ENTHD1: variants seen among roughly 807,000 people sequenced by gnomAD.
ENTHD1 encodes the protein ENTH domain-containing protein 1.
ENTHD1 carries 23 observed loss-of-function variants against 39.1 expected under a neutral mutation model. The observed-to-expected ratio is 0.59, with a 90% CI of 0.42 to 0.83. The LOEUF (loss-of-function observed/expected upper bound fraction) is 0.83, where lower values mean the gene tolerates loss of function less well. ENTHD1 is among the 40% of genes least tolerant of loss of function. The pLI is 0.00. For missense variants in ENTHD1, 624 were observed against 705.4 expected, an observed-to-expected ratio of 0.88 and a Z score of 1.31; for synonymous variants, 230 against 258.2, an observed-to-expected ratio of 0.89 and a Z score of 1.05.
chr22:39,864,762 C>A (rs2066170807), intron 2 of ENTHD1, among the ~76,000 whole-genome samples: 1 of 152,040 alleles, frequency 6.6e-6, no homozygotes, highest in African/African-American at 2.4e-5. Context: ...CACGGTGGTG[C>A]ACACCTGTAA....
intron 6 of ENTHD1, among the ~76,000 whole-genome samples, chr22:39,745,695 T>C (rs1271775564): frequency 6.6e-6 from 1 of 152,168 alleles, no homozygotes; most frequent in Non-Finnish European, 1.5e-5. Flanking sequence ...GGTGGAAAGA[T>C]GGTAGTGGGC....
At chr22:39,812,479 A>G (rs370251917) in intron 5 of ENTHD1, among the ~76,000 whole-genome samples, 9 of 152,230 alleles carry the variant, frequency 5.9e-5, no homozygotes, top group African/African-American at 2.2e-4. Flanking sequence ...TTTCACTATA[A>G]ATGCTTGCTA....
At position 39,784,137 on chromosome 22, in the gene ENTHD1, G is replaced by GA. The variant is rs372382761; in HGVS notation, c.833-18529dup. On this transcript the variant is annotated intron_variant, in intron 5 of 6. Transcript: ENST00000325157. ...ACAGACACATGGCCAACAGGTATAT[G>GA]AAAAAAAATGCTCAACATCACTAAA... Among the ~76,000 whole-genome samples, 96 of 151,572 alleles carry GA rather than the reference G, an allele frequency of 6.3e-4. 1 individual carries two copies. In the South Asian group the frequency reaches 6.7e-3, roughly 11 times the overall value.
At chr22:39,821,162 C>T (rs761588854) in intron 4 of ENTHD1, 49 bp from the exon 5 acceptor site, 1 of 1,599,002 alleles carries the variant, frequency 6.3e-7, no homozygotes, top group Non-Finnish European at 8.5e-7. Context: ...AATTAATATC[C>T]CTGGATGGAC....
At chr22:39,748,525 A>T (rs1178886556) in intron 6 of ENTHD1, among the ~76,000 whole-genome samples, 1 of 151,048 alleles carries the variant, frequency 6.6e-6, no homozygotes, top group Admixed American at 6.6e-5. Context: ...GGTTCACACC[A>T]TTCTTCTGCC....
Position 39,783,808 on chromosome 22 carries a change from T to C in ENTHD1, c.833-18199A>G, listed in dbSNP as rs1029718264. 3.9e-5 allele frequency among the ~76,000 whole-genome samples: 6 copies of C among 152,122 alleles called. No individual in the cohort carries two copies. The East Asian group carries it at 5.8e-4, about 15-fold the overall frequency. ...CACTATGAAACTACTGAAGAAAACA[T>C]TGGGGAAACACTCTAGGACATGGGC... On this transcript the variant is annotated intron_variant, in intron 5 of 6. Coordinates refer to ENST00000325157, the MANE Select transcript of ENTHD1 (RefSeq NM_152512.4).
At chr22:39,832,502 A>T (rs1315645479) in intron 4 of ENTHD1, among the ~76,000 whole-genome samples, 5 of 152,202 alleles carry the variant, frequency 3.3e-5, no homozygotes, top group Non-Finnish European at 7.3e-5. Context: ...TTTAACGGAA[A>T]TTAAGCAGAA....
At chr22:39,775,761 G>A (rs1248192920) in intron 5 of ENTHD1, among the ~76,000 whole-genome samples, 2 of 152,182 alleles carry the variant, frequency 1.3e-5, no homozygotes, top group African/African-American at 4.8e-5. Flanking sequence ...TATCTGTGCT[G>A]CTTGCCTTCT....
At chr22:39,865,766 C>A (rs2066177364) in intron 2 of ENTHD1, among the ~76,000 whole-genome samples, 1 of 152,214 alleles carries the variant, frequency 6.6e-6, no homozygotes, top group South Asian at 2.1e-4. Context: ...AATTGGGAAT[C>A]TTTTGGCTCT....
chr22:39,797,805 T>A (rs141774221), intron 5 of ENTHD1, among the ~76,000 whole-genome samples: 86 of 152,338 alleles, frequency 5.6e-4, no homozygotes, highest in African/African-American at 2.0e-3. Context: ...ATAAATCAGC[T>A]GTTGGTCTGA....
At chr22:39,865,622 A>G (rs183263181) in intron 2 of ENTHD1, among the ~76,000 whole-genome samples, 8 of 152,336 alleles carry the variant, frequency 5.3e-5, no homozygotes, top group African/African-American at 1.9e-4. Flanking sequence ...AGTAGAAAAC[A>G]TGGATTCTCT....
chr22:39,855,486 A>T (rs1476010899), intron 3 of ENTHD1, among the ~76,000 whole-genome samples: 1 of 152,056 alleles, frequency 6.6e-6, no homozygotes, highest in Non-Finnish European at 1.5e-5. Flanking sequence ...TTCCTTAATA[A>T]CAGAATCTCT....
intron 3 of ENTHD1, among the ~76,000 whole-genome samples, chr22:39,858,625 A>C (rs1327562030): frequency 6.6e-6 from 1 of 152,222 alleles, no homozygotes; most frequent in Non-Finnish European, 1.5e-5. Context: ...AAGACTTGAA[A>C]GTTGAAATCA....
intron 1 of ENTHD1, among the ~76,000 whole-genome samples, chr22:39,890,978 G>A (rs1275259408): frequency 2.0e-5 from 3 of 152,200 alleles, no homozygotes; most frequent in African/African-American, 7.2e-5. Flanking sequence ...ACATGAAAAT[G>A]CTGTTTACAT....
chr22:39,887,620 C>A lies in ENTHD1; in HGVS notation c.129G>T (p.Leu43Phe). 1.2e-6 allele frequency: 2 copies of A among 1,614,130 alleles called. No individual in the cohort carries two copies. Among genetic ancestry groups the A allele is most frequent in the Non-Finnish European group, 1.7e-6 (2 of 1,180,022 alleles). ...CTGAGAGAGAAATTGTGTTGAAAGT[C>A]AAGTCACTGATATCTAACATCAGAG... ...SSSLMLDISD[L>F]TFNTISLSEI... is the part of the protein sequence containing the mutation. Residue 43 changes from leucine (L) to phenylalanine (F), a missense_variant, in exon 2 of 7, where the codon TTG (leucine) becomes TTT (phenylalanine). Coordinates refer to ENST00000325157, the MANE Select transcript of ENTHD1 (RefSeq NM_152512.4).
chr22:39,789,718 G>A (rs1832066002), intron 5 of ENTHD1, among the ~76,000 whole-genome samples: 1 of 152,154 alleles, frequency 6.6e-6, no homozygotes, highest in Non-Finnish European at 1.5e-5. Context: ...TACAGTGGGG[G>A]AAGAACAAAT....
Position 39,785,311 on chromosome 22 carries a change from G to T in ENTHD1, c.833-19702C>A, listed in dbSNP as rs77479431. The stretch of plus-strand genomic sequence containing the variant: ...ACATCAGCCACTCTGTATTTGAAAG[G>T]TTCCCCGATATATCCGGTGCCATCT... On this transcript the variant is annotated intron_variant, in intron 5 of 6. Transcript: ENST00000325157. Among the ~76,000 whole-genome samples the T allele has an allele frequency of 4.5e-3, 682 of 152,062 alleles. 3 individuals are homozygous for T. Among genetic ancestry groups the T allele is most frequent in the African/African-American group, 0.016 (656 of 41,510 alleles).
At chr22:39,865,444 C>T (rs756206516) in intron 2 of ENTHD1, among the ~76,000 whole-genome samples, 11 of 151,742 alleles carry the variant, frequency 7.2e-5, no homozygotes, top group East Asian at 1.9e-4. Context: ...CTAAGAAGAA[C>T]GTAATAAACC....
intron 5 of ENTHD1, among the ~76,000 whole-genome samples, chr22:39,790,090 G>GA (rs1463301585): frequency 2.0e-5 from 3 of 152,294 alleles, no homozygotes; most frequent in African/African-American, 4.8e-5. Context: ...TGCAGAAGGA[G>GA]AAGGGGTGGG....
Sources: gnomAD v4.1 joint callset for allele counts (sites outside exome capture counted in the v4.1 genomes callset) on GRCh38, gnomAD v4.1.1 for gene constraint, MANE v1.5 for transcripts, NCBI Gene and HGNC (gene_info 2026-07-23, HGNC 2026-07-21) for gene names.